MMP26: variants seen among roughly 807,000 people sequenced by gnomAD.
MMP26 encodes matrix metalloproteinase-26.
A neutral mutation model predicts 31.0 loss-of-function variants in MMP26; 33 were observed. That is an observed-to-expected ratio of 1.06 (90% CI 0.81 to 1.42). The LOEUF is 1.42. MMP26 is among the 40% of genes most tolerant of loss of function. The pLI, the probability that MMP26 is intolerant of heterozygous loss-of-function variation, is 0.00. For synonymous variants in MMP26, 122 were observed against 114.9 expected, an observed-to-expected ratio of 1.06 and a Z score of -0.40; for missense variants, 347 against 316.1, an observed-to-expected ratio of 1.10 and a Z score of -0.74.
chr11:4,988,096 C>G lies in MMP26; in HGVS notation c.-116C>G. 1 of 919,034 alleles carries G rather than the reference C, an allele frequency of 1.1e-6. No homozygotes were observed. The highest frequency in any genetic ancestry group is 1.8e-6 in the Non-Finnish European group (1 of 554,436). 56.9% of individuals were successfully genotyped at this position (919,034 alleles called of 1,614,324 possible). A position where few individuals can be genotyped will look rare whatever the true frequency, so the allele number is the denominator to read the frequency against. On this transcript the variant is annotated 5_prime_UTR_variant, in exon 3 of 8. The change creates a premature stop within an existing upstream ORF in the 5' untranslated region. Transcript: ENST00000380390. The stretch of plus-strand genomic sequence containing the variant: ...TGGATGATGACGCCACTCACAGATT[C>G]AAAGAAAGGGCAAACTGGCAGAGTG...
At chr11:4,782,719 T>C (rs1417639053) in intron 2 of MMP26, among the ~76,000 whole-genome samples, 1 of 151,864 alleles carries the variant, frequency 6.6e-6, no homozygotes, top group Admixed American at 6.6e-5. Context: ...GAGGAAAAAG[T>C]GGTATATTGG....
chr11:4,729,264 G>A (rs918819005), intron 1 of MMP26, among the ~76,000 whole-genome samples: 1 of 152,136 alleles, frequency 6.6e-6, no homozygotes, highest in East Asian at 1.9e-4. Context: ...ATTTTCAAAG[G>A]ATGTTTTTAC....
intron 2 of MMP26, chr11:4,923,734 G>C: frequency 1.9e-6 from 3 of 1,614,068 alleles, no homozygotes; most frequent in Non-Finnish European, 2.5e-6. Context: ...CCACAACAAA[G>C]AGCCCATAGA....
chr11:4,750,726 A>G (rs1454730148), intron 1 of MMP26, among the ~76,000 whole-genome samples: 3 of 152,062 alleles, frequency 2.0e-5, no homozygotes, highest in African/African-American at 7.2e-5. Context: ...TAATGTGCAC[A>G]TATGGCCGTT....
chr11:4,886,047 A>G (rs1384050864), intron 2 of MMP26, among the ~76,000 whole-genome samples: 1 of 152,126 alleles, frequency 6.6e-6, no homozygotes, highest in East Asian at 1.9e-4. Context: ...GCTGTGTTGC[A>G]TTGGTAAATA....
At chr11:4,805,777 C>A (rs1204173624) in intron 2 of MMP26, among the ~76,000 whole-genome samples, 11 of 152,196 alleles carry the variant, frequency 7.2e-5, no homozygotes, top group African/African-American at 2.7e-4. Context: ...ACAGTAGATA[C>A]TGTGTGAGCC....
intron 2 of MMP26, among the ~76,000 whole-genome samples, chr11:4,856,635 AC>A (rs1261452933): frequency 6.6e-6 from 1 of 152,162 alleles, no homozygotes; most frequent in Non-Finnish European, 1.5e-5. Flanking sequence ...AGGGTTTAAC[AC>A]CCCACTGTCA....
intron 2 of MMP26, among the ~76,000 whole-genome samples, chr11:4,986,124 G>T (rs189362819): frequency 6.6e-6 from 1 of 152,024 alleles, no homozygotes; most frequent in Admixed American, 6.6e-5. Flanking sequence ...GAAGTATTTC[G>T]TTAATAGATT....
intron 2 of MMP26, among the ~76,000 whole-genome samples, chr11:4,974,349 C>A (rs1399091845): frequency 4.1e-5 from 6 of 146,422 alleles, no homozygotes; most frequent in Admixed American, 3.4e-4. Flanking sequence ...TTTAAAAGTT[C>A]AAAACATTTA....
chr11:4,764,087 A>G (rs185671382), intron 1 of MMP26, among the ~76,000 whole-genome samples: 1 of 152,150 alleles, frequency 6.6e-6, no homozygotes, highest in Non-Finnish European at 1.5e-5. Context: ...AAAATGTCTC[A>G]TTCTGTCTCT....
intron 1 of MMP26, among the ~76,000 whole-genome samples, chr11:4,764,686 AC>A (rs1848606399): frequency 6.6e-6 from 1 of 152,200 alleles, no homozygotes; most frequent in East Asian, 1.9e-4. Context: ...TTGGCTACTA[AC>A]ACGGTGAAAC....
chr11:4,935,705 C>T (rs1349733024), intron 2 of MMP26, among the ~76,000 whole-genome samples: 8 of 150,068 alleles, frequency 5.3e-5, no homozygotes, highest in African/African-American at 1.7e-4. Context: ...ATGATATTGG[C>T]TGTGGGTTTG....
chr11:4,914,927 C>G, intron 2 of MMP26: 1 of 1,614,084 alleles, frequency 6.2e-7, no homozygotes, highest in Non-Finnish European at 8.5e-7. Flanking sequence ...GTGGGAAACA[C>G]AGGTGTTAAG....
intron 2 of MMP26, among the ~76,000 whole-genome samples, chr11:4,862,933 T>A (rs1386571246): frequency 6.6e-6 from 1 of 152,078 alleles, no homozygotes; most frequent in Non-Finnish European, 1.5e-5. Flanking sequence ...CTGCCTGCAC[T>A]CTGAGGAGGG....
At chr11:4,819,761 G>T (rs1230848851) in intron 2 of MMP26, among the ~76,000 whole-genome samples, 1 of 151,590 alleles carries the variant, frequency 6.6e-6, no homozygotes, top group African/African-American at 2.4e-5. Flanking sequence ...AAACGTTTTT[G>T]TAGAGATGGG....
At chr11:4,810,277 G>A (rs2133460683) in intron 2 of MMP26, among the ~76,000 whole-genome samples, 1 of 149,870 alleles carries the variant, frequency 6.7e-6, no homozygotes, top group Non-Finnish European at 1.5e-5. Context: ...TAATTCAGGG[G>A]ATATTTTGTA....
intron 2 of MMP26, among the ~76,000 whole-genome samples, chr11:4,920,698 A>G (rs1258932210): frequency 1.3e-5 from 2 of 152,134 alleles, no homozygotes; most frequent in South Asian, 2.1e-4. Flanking sequence ...CTTTTGTTTC[A>G]TTTCTCAGCC....
chr11:4,723,660 G>A (rs1217692996), intron 1 of MMP26: 8 of 873,362 alleles, frequency 9.2e-6, no homozygotes, highest in South Asian at 7.9e-5. Flanking sequence ...ACTTGTTCTT[G>A]CAGTTCTCCA....
intron 2 of MMP26, among the ~76,000 whole-genome samples, chr11:4,850,002 C>T (rs1849952734): frequency 6.6e-6 from 1 of 152,128 alleles, no homozygotes; most frequent in African/African-American, 2.4e-5. Context: ...ATTTCAAGTT[C>T]TGTCTACTAG....
Sources: allele counts gnomAD v4.1 joint callset (sites outside exome capture counted in the v4.1 genomes callset), GRCh38; gene constraint gnomAD v4.1.1; transcripts MANE v1.5; gene names NCBI Gene and HGNC (gene_info 2026-07-23, HGNC 2026-07-21).